GALNTL6: variants seen among roughly 807,000 people sequenced by gnomAD.
GALNTL6 encodes polypeptide N-acetylgalactosaminyltransferase-like 6.
A neutral mutation model predicts 73.7 loss-of-function variants in GALNTL6; 46 were observed. The ratio of observed to expected loss-of-function variants is 0.62; its 90% confidence interval spans 0.49 to 0.80. The LOEUF (loss-of-function observed/expected upper bound fraction) is 0.80, where lower values mean the gene tolerates loss of function less well. Ranked by LOEUF, GALNTL6 falls within the 30% of genes least tolerant of loss-of-function variation. GALNTL6 has a pLI of 0.00. For synonymous variants in GALNTL6, 259 were observed against 263.7 expected (o/e 0.98, Z 0.17); for missense variants, 604 against 755.0 (o/e 0.80, Z 2.34).
rs540022788 is a variant in GALNTL6 at position 172,267,160 on chromosome 4, G to C, written c.247+37396G>C. Among the ~76,000 whole-genome samples, 2 of 152,190 alleles carry C rather than the reference G, an allele frequency of 1.3e-5. 1 individual carries two copies. Among genetic ancestry groups the C allele is most frequent in the South Asian group, 4.1e-4 (2 of 4,824 alleles). On this transcript the variant is annotated intron_variant, in intron 3 of 12. Transcript: ENST00000506823. ...AAAATACAAACATGGATGAGAAATT[G>C]ACCCTGCCTTCAAATAGACTTGTTT...
intron 2 of GALNTL6, among the ~76,000 whole-genome samples, chr4:172,131,817 C>T (rs1333427000): frequency 1.3e-5 from 2 of 151,886 alleles, no homozygotes; most frequent in Admixed American, 6.6e-5. Flanking sequence ...GTTCATTGCA[C>T]ACACTAGATG....
At chr4:171,979,784 C>A (rs1304820765) in intron 2 of GALNTL6, among the ~76,000 whole-genome samples, 4 of 151,768 alleles carry the variant, frequency 2.6e-5, no homozygotes, top group African/African-American at 9.7e-5. Flanking sequence ...CCAAGCTTCC[C>A]TCTGGCAAGT....
intron 5 of GALNTL6, among the ~76,000 whole-genome samples, chr4:172,629,387 C>A (rs1739295439): frequency 6.6e-6 from 1 of 151,932 alleles, no homozygotes; most frequent in Non-Finnish European, 1.5e-5. Flanking sequence ...TTTAAAAATG[C>A]AGAATTTCTC....
At chr4:172,180,194 C>A (rs1271166323) in intron 2 of GALNTL6, among the ~76,000 whole-genome samples, 1 of 152,110 alleles carries the variant, frequency 6.6e-6, no homozygotes, top group Admixed American at 6.5e-5. Context: ...CTCTAATGAC[C>A]AATGATGATG....
intron 5 of GALNTL6, among the ~76,000 whole-genome samples, chr4:172,746,927 A>ATCT (rs1737138342): frequency 6.6e-6 from 1 of 152,138 alleles, no homozygotes; most frequent in Non-Finnish European, 1.5e-5. Flanking sequence ...TGCTGACATG[A>ATCT]TCTTCTATAT....
intron 5 of GALNTL6, among the ~76,000 whole-genome samples, chr4:172,441,561 G>T (rs899802416): frequency 6.6e-6 from 1 of 151,896 alleles, no homozygotes; most frequent in Non-Finnish European, 1.5e-5. Context: ...TTGCATTTTT[G>T]TGCTGTTTGC....
chr4:172,485,648 T>C (rs1014374203), intron 5 of GALNTL6, among the ~76,000 whole-genome samples: 6 of 152,082 alleles, frequency 3.9e-5, no homozygotes, highest in Non-Finnish European at 8.8e-5. Flanking sequence ...ACCACAAAAA[T>C]ATAATTTACA....
chr4:172,521,870 T>G (rs1470965242), intron 5 of GALNTL6, among the ~76,000 whole-genome samples: 2 of 152,196 alleles, frequency 1.3e-5, no homozygotes, highest in Non-Finnish European at 2.9e-5. Context: ...GATAAAAGGT[T>G]CCACTGAAAT....
At chr4:172,048,006 A>G (rs141217863) in intron 2 of GALNTL6, among the ~76,000 whole-genome samples, 476 of 152,236 alleles carry the variant, frequency 3.1e-3, no homozygotes, top group Non-Finnish European at 5.3e-3. Context: ...TAGCAGTGTT[A>G]CTAATAACAT....
intron 5 of GALNTL6, among the ~76,000 whole-genome samples, chr4:172,446,494 G>T (rs1314988886): frequency 1.3e-5 from 2 of 152,172 alleles, no homozygotes; most frequent in African/African-American, 4.8e-5. Context: ...GAAATGAAAT[G>T]GCCACAGTGG....
chr4:172,119,543 C>T (rs1407240739), intron 2 of GALNTL6, among the ~76,000 whole-genome samples: 1 of 152,160 alleles, frequency 6.6e-6, no homozygotes, highest in East Asian at 1.9e-4. Context: ...TGAAAAAAAT[C>T]ACAGAATCAT....
rs1420979329 is a variant in GALNTL6, at chr4:172,277,824, C to G, written c.248-33790C>G. ...TACTTATACATGCTGCTTTTATCAG[C>G]CTTCATTAATTTTTAACATATTTCA... On this transcript the variant is annotated intron_variant, in intron 3 of 12. Coordinates refer to ENST00000506823, the MANE Select transcript of GALNTL6 (RefSeq NM_001034845.3). 2.6e-5 allele frequency among the ~76,000 whole-genome samples: 4 copies of G among 152,238 alleles called. No homozygotes were observed. The East Asian group carries it at 5.8e-4, about 22-fold the overall frequency.
intron 2 of GALNTL6, among the ~76,000 whole-genome samples, chr4:171,968,801 G>A (rs551166058): frequency 6.9e-6 from 1 of 144,726 alleles, no homozygotes. Flanking sequence ...TTCCACCTTC[G>A]CAATCGCCCT....
intron 2 of GALNTL6, among the ~76,000 whole-genome samples, chr4:172,107,486 C>G (rs947918127): frequency 6.6e-6 from 1 of 151,790 alleles, no homozygotes; most frequent in Non-Finnish European, 1.5e-5. Flanking sequence ...CCATGGAATA[C>G]TATGCAGCCA....
At chr4:171,854,191 A>G (rs1343837908) in intron 2 of GALNTL6, among the ~76,000 whole-genome samples, 2 of 152,164 alleles carry the variant, frequency 1.3e-5, no homozygotes, top group African/African-American at 4.8e-5. Flanking sequence ...GGCAGTGTTC[A>G]TGTCCTTCCC....
At chr4:172,067,416 C>T (rs975211503) in intron 2 of GALNTL6, among the ~76,000 whole-genome samples, 1 of 151,944 alleles carries the variant, frequency 6.6e-6, no homozygotes, top group South Asian at 2.1e-4. Context: ...TTCAGAGAGT[C>T]ATTGCAAACG....
chr4:171,898,444 G>A (rs1361979088), intron 2 of GALNTL6, among the ~76,000 whole-genome samples: 2 of 151,928 alleles, frequency 1.3e-5, no homozygotes, highest in Non-Finnish European at 1.5e-5. Flanking sequence ...CTAACCACTA[G>A]AGACACAAAT....
chr4:172,022,704 A>T (rs995956586), intron 2 of GALNTL6, among the ~76,000 whole-genome samples: 1 of 151,962 alleles, frequency 6.6e-6, no homozygotes, highest in Admixed American at 6.6e-5. Flanking sequence ...TTGGGGAAAA[A>T]AAAAACCCTC....
chr4:172,700,455 AT>A (rs1175257424), intron 5 of GALNTL6, among the ~76,000 whole-genome samples: 14 of 152,240 alleles, frequency 9.2e-5, no homozygotes, highest in African/African-American at 3.4e-4. Flanking sequence ...TTGTAGAGGG[AT>A]TTACTGATTC....
Sources: gnomAD v4.1 joint callset for allele counts (sites outside exome capture counted in the v4.1 genomes callset) on GRCh38, gnomAD v4.1.1 for gene constraint, MANE v1.5 for transcripts, NCBI Gene and HGNC (gene_info 2026-07-23, HGNC 2026-07-21) for gene names.